RGS20: variants seen among roughly 807,000 people sequenced by gnomAD.
RGS20 encodes gz-selective GTPase-activating protein.
In RGS20, 30 loss-of-function variants were observed where a neutral mutation model predicts 33.6. The ratio of observed to expected loss-of-function variants is 0.89; its 90% CI spans 0.67 to 1.21. The LOEUF (loss-of-function observed/expected upper bound fraction) is 1.21. Ranked by LOEUF, RGS20 falls within the 50% of genes most tolerant of loss-of-function variation. RGS20 has a pLI of 0.00. For synonymous variants in RGS20, 208 were observed against 197.9 expected, an observed-to-expected ratio of 1.05 and a Z score of -0.43; for missense variants, 472 against 502.4, an observed-to-expected ratio of 0.94 and a Z score of 0.58.
At chr8:53,923,348 A>G (rs544600201) in intron 2 of RGS20, among the ~76,000 whole-genome samples, 10 of 152,276 alleles carry the variant, frequency 6.6e-5, no homozygotes, top group Admixed American at 3.9e-4. Context: ...TTATCCTAGC[A>G]CTTTGGGAGG....
chr8:53,866,191 A>G (rs1454646274), intron 1 of RGS20, among the ~76,000 whole-genome samples: 1 of 152,188 alleles, frequency 6.6e-6, no homozygotes, highest in Non-Finnish European at 1.5e-5. Flanking sequence ...AGGAAATTTT[A>G]GGAACGGAAG....
chr8:53,918,380 CT>C (rs59221719), intron 2 of RGS20, among the ~76,000 whole-genome samples: 4 of 149,754 alleles, frequency 2.7e-5, no homozygotes, highest in Admixed American at 6.6e-5. Flanking sequence ...CACATATTTT[CT>C]TTTTTTTTCT....
In RGS20 at chr8:53,879,311, C is replaced by T. The variant is rs763902107; in HGVS notation, c.219C>T (p.Gly73=). The change falls in exon 2 of 6, where the codon GGC becomes GGT. Residue 73 remains glycine (G), a synonymous_variant. Transcript: ENST00000297313. ...CGCCCGCCGCCCCGAAGCTGTTCGG[C>T]CTCCTTTCTAGCCCGCTTTCCAGCC... The T allele has an allele frequency of 1.9e-6, 3 of 1,613,556 alleles. No individual in the cohort carries two copies.
intron 1 of RGS20, among the ~76,000 whole-genome samples, chr8:53,871,890 C>T (rs370192197): frequency 1.1e-4 from 17 of 152,196 alleles, no homozygotes; most frequent in African/African-American, 3.6e-4. Context: ...CTTTAAATAC[C>T]TTTGTATGCT....
At chr8:53,863,318 A>C (rs552084538) in intron 1 of RGS20, among the ~76,000 whole-genome samples, 1 of 152,228 alleles carries the variant, frequency 6.6e-6, no homozygotes, top group South Asian at 2.1e-4. Flanking sequence ...TCCCTGAGTC[A>C]AGATTCAGAG....
At chr8:53,919,585 AT>A (rs1235120491) in intron 2 of RGS20, among the ~76,000 whole-genome samples, 1 of 129,006 alleles carries the variant, frequency 7.8e-6, no homozygotes, top group Non-Finnish European at 1.7e-5. Flanking sequence ...GAAGCATAAC[AT>A]TTTTTCTTTT....
chr8:53,894,150 C>A (rs553641296), intron 2 of RGS20, among the ~76,000 whole-genome samples: 1 of 152,190 alleles, frequency 6.6e-6, no homozygotes, highest in South Asian at 2.1e-4. Context: ...AGGTTTTTGT[C>A]CTGGGTCTCT....
chr8:53,926,766 GCCAGGTGTGGT>G (rs1276960175), intron 2 of RGS20, among the ~76,000 whole-genome samples: 8 of 152,052 alleles, frequency 5.3e-5, no homozygotes, highest in African/African-American at 1.9e-4. Context: ...ACAAAAATTA[GCCAGGTGTGGT>G]GGTGGGCGCC....
At chr8:53,947,216 A>G (rs188562130) in intron 4 of RGS20, among the ~76,000 whole-genome samples, 5,860 of 140,106 alleles carry the variant, frequency 0.042, 410 homozygotes, top group African/African-American at 0.15. Flanking sequence ...GATATAGCAT[A>G]TTTATTTATA....
At chr8:53,870,062 T>A (rs866057085) in intron 1 of RGS20, among the ~76,000 whole-genome samples, 1 of 151,744 alleles carries the variant, frequency 6.6e-6, no homozygotes, top group Non-Finnish European at 1.5e-5. Context: ...GCCAAACATT[T>A]AAAAAAAATG....
intron 4 of RGS20, among the ~76,000 whole-genome samples, chr8:53,949,445 G>A (rs1450879741): frequency 2.6e-5 from 4 of 151,718 alleles, no homozygotes; most frequent in Middle Eastern, 6.8e-3. Flanking sequence ...GGGTGGGCAC[G>A]GTGGCTCACA....
chr8:53,928,534 T>C (rs1813864682), intron 2 of RGS20, among the ~76,000 whole-genome samples: 1 of 152,182 alleles, frequency 6.6e-6, no homozygotes, highest in Admixed American at 6.5e-5. Context: ...TAAAAGACTT[T>C]CATGCTCACC....
At chr8:53,946,952 T>TA (rs1226864928) in intron 4 of RGS20, among the ~76,000 whole-genome samples, 1 of 151,764 alleles carries the variant, frequency 6.6e-6, no homozygotes, top group African/African-American at 2.4e-5. Flanking sequence ...GTTCCATTAT[T>TA]AGTCTAATCC....
At chr8:53,942,806 C>G (rs1401609549) in intron 3 of RGS20, among the ~76,000 whole-genome samples, 2 of 144,704 alleles carry the variant, frequency 1.4e-5, no homozygotes, top group Non-Finnish European at 3.0e-5. Flanking sequence ...TGGGGCAACA[C>G]AGCGAGACCA....
Position 53,892,919 on chromosome 8 carries a change from A to G in RGS20, c.510+13317A>G, listed in dbSNP as rs150282364. Among the ~76,000 whole-genome samples, 1,182 of 152,324 alleles carry G rather than the reference A, an allele frequency of 7.8e-3. 12 individuals are homozygous for G. The highest frequency in any genetic ancestry group is 0.026 in the African/African-American group (1,074 of 41,564). On this transcript the variant is annotated intron_variant, in intron 2 of 5. Transcript: ENST00000297313. ...CTTAATATCCAGGAAAAATATTACT[A>G]ATAAGTTTATGAATTCATATTTGGC...
rs113386944 is a variant in RGS20, at chr8:53,865,757, C to G, written c.166-13501C>G. On this transcript the variant is annotated intron_variant, in intron 1 of 5. Coordinates refer to ENST00000297313, the MANE Select transcript of RGS20 (RefSeq NM_170587.4). Reference sequence around the variant, plus strand: ...GAGTAGCTGAGATGACAGGTGTGCACCACCATGCCCAGCTAATTTTATCCA... The same window carrying G: ...GAGTAGCTGAGATGACAGGTGTGCAGCACCATGCCCAGCTAATTTTATCCA... 5.9e-3 allele frequency among the ~76,000 whole-genome samples: 894 copies of G among 152,298 alleles called. 7 individuals carry two copies. The highest frequency in any genetic ancestry group is 0.02 in the African/African-American group (847 of 41,554).
chr8:53,892,012 G>GA (rs1812723034), intron 2 of RGS20, among the ~76,000 whole-genome samples: 1 of 151,908 alleles, frequency 6.6e-6, no homozygotes, highest in Non-Finnish European at 1.5e-5. Context: ...TTAGCATTAG[G>GA]TATATCTCCT....
chr8:53,937,222 C>A (rs749310546), intron 2 of RGS20, among the ~76,000 whole-genome samples: 5 of 152,042 alleles, frequency 3.3e-5, no homozygotes, highest in Non-Finnish European at 5.9e-5. Flanking sequence ...AGCATACCAA[C>A]ATGGCACATG....
At chr8:53,925,003 G>A (rs1375751618) in intron 2 of RGS20, among the ~76,000 whole-genome samples, 1 of 152,062 alleles carries the variant, frequency 6.6e-6, no homozygotes, top group East Asian at 1.9e-4. Flanking sequence ...ATTTAACCTG[G>A]AGCAATTTTA....
Sources: allele counts gnomAD v4.1 joint callset (sites outside exome capture counted in the v4.1 genomes callset), GRCh38; gene constraint gnomAD v4.1.1; transcripts MANE v1.5; gene names NCBI Gene and HGNC (gene_info 2026-07-23, HGNC 2026-07-21).